ARHGAP40: variants seen among roughly 807,000 people sequenced by gnomAD.
ARHGAP40 encodes the protein rho GTPase-activating protein 40.
A neutral mutation model predicts 73.5 loss-of-function variants in ARHGAP40; 43 were observed. The ratio of observed to expected loss-of-function variants is 0.58; its 90% CI spans 0.46 to 0.75. The LOEUF (loss-of-function observed/expected upper bound fraction) is 0.75. Among genes scored for constraint, ARHGAP40 ranks in the 30% least tolerant of loss-of-function variants. The pLI is 0.00. For synonymous variants in ARHGAP40, 300 were observed against 352.8 expected, an observed-to-expected ratio of 0.85 and a Z score of 1.68; for missense variants, 734 against 861.8, an observed-to-expected ratio of 0.85 and a Z score of 1.86.
At chr20:38,629,518 G>A (rs1179546462) in exon 5 of ARHGAP40, 24 of 1,305,284 alleles carry the variant, frequency 1.8e-5, no homozygotes, top group Middle Eastern at 2.1e-4. Context: ...AGCCTGGGGG[G>A]CTGCAGGAGC....
chr20:38,623,586 G>C (rs1387055496), intron 2 of ARHGAP40, 28 bp downstream of exon 2: 16 of 1,264,610 alleles, frequency 1.3e-5, no homozygotes, highest in African/African-American at 1.5e-5. Context: ...GGGCCTATAG[G>C]GGTGGTGGGA....
At chr20:38,643,000 G>A (rs1055323793) in intron 10 of ARHGAP40, among the ~76,000 whole-genome samples, 4 of 152,058 alleles carry the variant, frequency 2.6e-5, no homozygotes, top group African/African-American at 9.7e-5. Flanking sequence ...AATTAGCTGG[G>A]TGTGATGGTG....
At chr20:38,644,059 T>C (rs978312339) in intron 11 of ARHGAP40, 149 bp downstream of exon 11, 22 of 567,136 alleles carry the variant, frequency 3.9e-5, no homozygotes, top group Middle Eastern at 7.5e-4. Context: ...GTTTTCTTCC[T>C]CCCCCTGCCT....
At chr20:38,603,738 T>G (rs2088754606) in intron 1 of ARHGAP40, among the ~76,000 whole-genome samples, 1 of 152,194 alleles carries the variant, frequency 6.6e-6, no homozygotes, top group South Asian at 2.1e-4. Context: ...AGGGGTGCAT[T>G]CTGTCTGGGG....
chr20:38,606,309 TA>T (rs1336571927), intron 1 of ARHGAP40, among the ~76,000 whole-genome samples: 1 of 152,236 alleles, frequency 6.6e-6, no homozygotes, highest in Admixed American at 6.5e-5. Context: ...TTCTTGGACA[TA>T]TATCTTTGTG....
intron 3 of ARHGAP40, among the ~76,000 whole-genome samples, chr20:38,628,096 C>CTGT (rs989262612): frequency 4.6e-5 from 7 of 152,196 alleles, no homozygotes. Flanking sequence ...GTGTCCAGAG[C>CTGT]AACAGCTCAG....
rs2089069132 is a variant in ARHGAP40, at chr20:38,648,629, T to C, written c.1881-14T>C. ...AAGGCAGTAGTTTTTTTTTTCTCTC[T>C]CTCTGTTTTACAGCCATAGGTCCAT... On this transcript the variant is annotated splice_polypyrimidine_tract_variant and intron_variant, in intron 13 of 14. Transcript: ENST00000373345. The C allele has an allele frequency of 7.7e-7, 1 of 1,300,250 alleles. No individual in the cohort carries two copies. The highest frequency in any genetic ancestry group is 1.0e-6 in the Non-Finnish European group (1 of 987,226). The allele number at this position is 1,300,250 out of a possible 1,614,324, so 80.5% of individuals were successfully genotyped here. A position where few individuals can be genotyped will look rare whatever the true frequency, so the allele number is the denominator to read the frequency against.
At chr20:38,629,028 C>T in intron 4 of ARHGAP40, 26 bp downstream of exon 4, 1 of 1,294,930 alleles carries the variant, frequency 7.7e-7, no homozygotes, top group South Asian at 1.2e-5. Flanking sequence ...TCTCCAGGGC[C>T]CTGAGAATCC....
At chr20:38,604,681 A>G (rs753469092) in intron 1 of ARHGAP40, among the ~76,000 whole-genome samples, 6 of 152,192 alleles carry the variant, frequency 3.9e-5, no homozygotes, top group Non-Finnish European at 7.4e-5. Context: ...AGCGTGAGCC[A>G]ATGCGCCTGG....
intron 11 of ARHGAP40, among the ~76,000 whole-genome samples, chr20:38,645,791 G>C (rs1411922262): frequency 1.3e-5 from 2 of 152,146 alleles, no homozygotes; most frequent in Non-Finnish European, 1.5e-5. Context: ...AGCTTCTGTC[G>C]AGGGGACCAC....
chr20:38,629,022 C>T lies in ARHGAP40; in HGVS notation c.634+20C>T, dbSNP rs1754846547. On this transcript the variant is annotated intron_variant, in intron 4 of 14. Transcript: ENST00000373345. ...CTCCAGGTAAGTGGTCTTCATTCTCCAGGGCCCTGAGAATCCTCCAGGCTG... is the reference window on the plus strand; with the variant it reads ...CTCCAGGTAAGTGGTCTTCATTCTCTAGGGCCCTGAGAATCCTCCAGGCTG... The T allele has an allele frequency of 7.7e-7, 1 of 1,300,778 alleles. No individual in the cohort carries two copies. Among genetic ancestry groups the T allele is most frequent in the African/African-American group, 1.5e-5 (1 of 65,540 alleles). The allele number at this position is 1,300,778 out of a possible 1,614,324, so 80.6% of individuals were successfully genotyped here. A position where few individuals can be genotyped will look rare whatever the true frequency, so the allele number is the denominator to read the frequency against.
chr20:38,627,764 G>A (rs1466135272), intron 3 of ARHGAP40, among the ~76,000 whole-genome samples: 1 of 152,016 alleles, frequency 6.6e-6, no homozygotes, highest in Non-Finnish European at 1.5e-5. Context: ...ATGTCCCTAT[G>A]TTGCATGTAG....
intron 10 of ARHGAP40, among the ~76,000 whole-genome samples, chr20:38,642,628 C>T (rs1004368836): frequency 2.1e-5 from 3 of 142,412 alleles, no homozygotes; most frequent in African/African-American, 7.5e-5. Flanking sequence ...CTCCCTCCTT[C>T]CCTCCCACCT....
chr20:38,634,662 G>A, exon 6 of ARHGAP40: 6 of 1,305,444 alleles, frequency 4.6e-6, no homozygotes, highest in Non-Finnish European at 6.1e-6. Flanking sequence ...GACGAGGATA[G>A]GAGACTTGTC....
chr20:38,616,752 T>C (rs2088841965), intron 1 of ARHGAP40, among the ~76,000 whole-genome samples: 1 of 152,156 alleles, frequency 6.6e-6, no homozygotes, highest in African/African-American at 2.4e-5. Flanking sequence ...AGAATGATGG[T>C]GTTCCCCAGG....
chr20:38,637,144 C>CTT (rs11482478), intron 6 of ARHGAP40, among the ~76,000 whole-genome samples: 12 of 145,376 alleles, frequency 8.3e-5, no homozygotes, highest in African/African-American at 2.5e-4. Flanking sequence ...CCTTTCAATA[C>CTT]TTTTTTTTTT....
Position 38,639,401 on chromosome 20 carries a change from GC to G in ARHGAP40, c.1279+18del, listed in dbSNP as rs2088999837. ...CGTGGTGCCTAGTGAGTGTGCCCAA[GC>G]CCTTAGCCTGTGCAGGGATGGAGAG... On this transcript the variant is annotated intron_variant, in intron 9 of 14. Transcript: ENST00000373345. The G allele has an allele frequency of 1.5e-6, 2 of 1,303,642 alleles. No individual in the cohort carries two copies. The highest frequency in any genetic ancestry group is 2.0e-6 in the Non-Finnish European group (2 of 987,416). The allele number at this position is 1,303,642 out of a possible 1,614,324, so 80.8% of individuals were successfully genotyped here. A position where few individuals can be genotyped will look rare whatever the true frequency, so the allele number is the denominator to read the frequency against.
At chr20:38,638,072 G>A (rs1390814699) in intron 7 of ARHGAP40, among the ~76,000 whole-genome samples, 1 of 151,976 alleles carries the variant, frequency 6.6e-6, no homozygotes. Flanking sequence ...CACTTTGGGA[G>A]GCCGAAGCGG....
At chr20:38,619,850 G>T (rs1255545561) in intron 1 of ARHGAP40, among the ~76,000 whole-genome samples, 2 of 151,772 alleles carry the variant, frequency 1.3e-5, no homozygotes, top group Non-Finnish European at 2.9e-5. Context: ...ACTTTGGGAG[G>T]ATCACTGGAG....
Sources: gnomAD v4.1 joint callset for allele counts (sites outside exome capture counted in the v4.1 genomes callset) on GRCh38, gnomAD v4.1.1 for gene constraint, MANE v1.5 for transcripts, NCBI Gene and HGNC (gene_info 2026-07-23, HGNC 2026-07-21) for gene names.